The following SLC25A15 variants were observed in gnomAD, a reference collection of about 807,000 sequenced individuals.
The protein encoded by SLC25A15 is solute carrier family 25 member 15.
SLC25A15 carries 24 observed loss-of-function variants against 32.3 expected under a neutral mutation model. That is an observed-to-expected ratio of 0.74 (90% CI 0.54 to 1.04). The LOEUF is 1.04. SLC25A15 is among the 50% of genes least tolerant of loss of function. The pLI, the probability that SLC25A15 is intolerant of heterozygous loss-of-function variation, is 0.00. For missense variants in SLC25A15, 317 were observed against 374.5 expected (o/e 0.85, Z 1.27); for synonymous variants, 132 against 142.1 (o/e 0.93, Z 0.51).
chr13:40,795,507 A>G (rs1881639189), intron 2 of SLC25A15, among the ~76,000 whole-genome samples: 1 of 152,160 alleles, frequency 6.6e-6, no homozygotes, highest in African/African-American at 2.4e-5. Flanking sequence ...TTGATCCCTT[A>G]TGTATACTGA....
intron 2 of SLC25A15, among the ~76,000 whole-genome samples, chr13:40,793,672 A>G (rs2138040011): frequency 6.6e-6 from 1 of 152,358 alleles, no homozygotes; most frequent in Non-Finnish European, 1.5e-5. Context: ...ACTACTCTCT[A>G]AATGAGATCA....
intron 3 of SLC25A15, among the ~76,000 whole-genome samples, chr13:40,802,725 C>T (rs964669492): frequency 2.0e-5 from 3 of 152,084 alleles, no homozygotes; most frequent in Non-Finnish European, 2.9e-5. Flanking sequence ...CAGGCGCCCA[C>T]CACCATGCCC....
Position 40,812,161 on chromosome 13 carries a change from G to A in SLC25A15, c.*2494G>A, listed in dbSNP as rs886050250. Among the ~76,000 whole-genome samples, 2 of 152,174 alleles carry A rather than the reference G, an allele frequency of 1.3e-5. No homozygotes were observed. The highest frequency in any genetic ancestry group is 2.9e-5 in the Non-Finnish European group (2 of 68,040). ...TCCACAGGAAGTAAACTGCTTCAGA[G>A]CCCACAGTCCCCTGCTCAGTGTCCG... On this transcript the variant is annotated 3_prime_UTR_variant, in exon 7 of 7. Coordinates refer to ENST00000338625, the MANE Select transcript of SLC25A15 (RefSeq NM_014252.4).
chr13:40,803,736 C>T (rs1881998978), intron 3 of SLC25A15, among the ~76,000 whole-genome samples: 1 of 152,222 alleles, frequency 6.6e-6, no homozygotes, highest in Non-Finnish European at 1.5e-5. Context: ...GGTGGTAGGT[C>T]ACCAGTTGAA....
At chr13:40,790,316 G>A (rs1197581390) in intron 1 of SLC25A15, among the ~76,000 whole-genome samples, 1 of 152,186 alleles carries the variant, frequency 6.6e-6, no homozygotes, top group Non-Finnish European at 1.5e-5. Context: ...TGGGTGGTCG[G>A]CACTGTTGTT....
intron 2 of SLC25A15, 38 bp downstream of exon 2, chr13:40,793,319 G>C (rs1881575060): frequency 6.4e-7 from 1 of 1,551,322 alleles, no homozygotes; most frequent in Non-Finnish European, 8.9e-7. Flanking sequence ...TTCTGTCGTT[G>C]ATGGATGGTG....
chr13:40,804,843 C>G (rs1483213561), intron 3 of SLC25A15, among the ~76,000 whole-genome samples: 1 of 152,022 alleles, frequency 6.6e-6, no homozygotes, highest in African/African-American at 2.4e-5. Context: ...AGCCACGGCG[C>G]CCGGCCCTTT....
Position 40,799,051 on chromosome 13 carries a change from T to A in SLC25A15, c.56-6T>A. 1.2e-6 allele frequency: 2 copies of A among 1,614,210 alleles called. No homozygotes were observed. Among genetic ancestry groups the A allele is most frequent in the Non-Finnish European group, 1.7e-6 (2 of 1,180,032 alleles). ...GTACTAGAGCAGTCATCTGTCCTGATTGCAGGAGGTACAGCATGTGTACTG... is the reference window on the plus strand; with the variant it reads ...GTACTAGAGCAGTCATCTGTCCTGAATGCAGGAGGTACAGCATGTGTACTG... On this transcript the variant is annotated splice_polypyrimidine_tract_variant and splice_region_variant and intron_variant, in intron 2 of 6. Coordinates refer to ENST00000338625, the MANE Select transcript of SLC25A15 (RefSeq NM_014252.4).
At chr13:40,808,929 T>C (rs1451630946) in intron 6 of SLC25A15, among the ~76,000 whole-genome samples, 1 of 58,540 alleles carries the variant, frequency 1.7e-5, no homozygotes, top group Non-Finnish European at 4.6e-5. Context: ...CGAGACTCTG[T>C]CTCAAAAAAA....
chr13:40,793,720 A>C (rs1881584181), intron 2 of SLC25A15, among the ~76,000 whole-genome samples: 1 of 152,256 alleles, frequency 6.6e-6, no homozygotes, highest in African/African-American at 2.4e-5. Flanking sequence ...TTCTCCCTCC[A>C]GTACTTTACC....
chr13:40,807,915 ATAAG>A (rs1451469190), intron 5 of SLC25A15, among the ~76,000 whole-genome samples: 1 of 152,240 alleles, frequency 6.6e-6, no homozygotes, highest in Non-Finnish European at 1.5e-5. Context: ...TTTGGCTCAC[ATAAG>A]TGAGTTTTTC....
At chr13:40,796,887 G>A (rs1197759643) in intron 2 of SLC25A15, among the ~76,000 whole-genome samples, 2 of 152,210 alleles carry the variant, frequency 1.3e-5, no homozygotes, top group African/African-American at 2.4e-5. Context: ...GACATAATCT[G>A]AGTGCCTTTC....
At chr13:40,790,553 C>T (rs1338069637) in intron 1 of SLC25A15, among the ~76,000 whole-genome samples, 1 of 152,168 alleles carries the variant, frequency 6.6e-6, no homozygotes, top group African/African-American at 2.4e-5. Flanking sequence ...CGTTTTCTAT[C>T]CTAATAATTC....
intron 3 of SLC25A15, among the ~76,000 whole-genome samples, chr13:40,801,645 A>G (rs1212531598): frequency 2.6e-5 from 4 of 152,210 alleles, no homozygotes; most frequent in African/African-American, 9.6e-5. Context: ...GAAAGGAAAG[A>G]ACTGCTTGTG....
At position 40,812,027 on chromosome 13, in the gene SLC25A15, C is replaced by G. The variant is rs1882476759; in HGVS notation, c.*2360C>G. ...CATTTGCTTTTTCTTTAAGTGAAAA[C>G]CATTTTTCTACTTTGCTTTTCTCTC... On this transcript the variant is annotated 3_prime_UTR_variant, in exon 7 of 7. Coordinates refer to ENST00000338625, the MANE Select transcript of SLC25A15 (RefSeq NM_014252.4). Among the ~76,000 whole-genome samples, 1 of 152,166 alleles carries G rather than the reference C, an allele frequency of 6.6e-6. No homozygotes were observed. Among genetic ancestry groups the G allele is most frequent in the South Asian group, 2.1e-4 (1 of 4,822 alleles).
chr13:40,808,433 T>C lies in SLC25A15; in HGVS notation c.623-5T>C. The C allele has an allele frequency of 6.2e-7, 1 of 1,612,806 alleles. No homozygotes were observed. The highest frequency in any genetic ancestry group is 8.5e-7 in the Non-Finnish European group (1 of 1,179,782). ...AATACCATTTGCTATTTTTTTTTTC[T>C]CTAGGCCCTGTACCTTTGATGTTAA... On this transcript the variant is annotated splice_polypyrimidine_tract_variant and splice_region_variant and intron_variant, in intron 5 of 6. Coordinates refer to ENST00000338625, the MANE Select transcript of SLC25A15 (RefSeq NM_014252.4).
At chr13:40,791,558 A>G (rs1431776414) in intron 1 of SLC25A15, among the ~76,000 whole-genome samples, 1 of 151,816 alleles carries the variant, frequency 6.6e-6, no homozygotes, top group Non-Finnish European at 1.5e-5. Flanking sequence ...GGGTTACACC[A>G]TATTCGTCAA....
intron 1 of SLC25A15, 121 bp downstream of exon 1, chr13:40,789,784 G>C (rs532998117): frequency 7.9e-5 from 12 of 151,880 alleles, no homozygotes; most frequent in African/African-American, 2.9e-4. Context: ...AGCGGCGGGG[G>C]AAGCGGCCAG....
Position 40,810,157 on chromosome 13 carries a change from T to G in SLC25A15, c.*490T>G, listed in dbSNP as rs1393402824. ...TAATGTGTGTACTTTTCTAAGTGGTTGATTATTTTTTATTTTTTTGATACA... is the reference window on the plus strand; with the variant it reads ...TAATGTGTGTACTTTTCTAAGTGGTGGATTATTTTTTATTTTTTTGATACA... On this transcript the variant is annotated 3_prime_UTR_variant, in exon 7 of 7. Coordinates refer to ENST00000338625, the MANE Select transcript of SLC25A15 (RefSeq NM_014252.4). 5.5e-6 allele frequency: 1 copy of G among 181,588 alleles called. No individual in the cohort carries two copies. The highest frequency in any genetic ancestry group is 1.5e-4 in the East Asian group (1 of 6,762). 11.2% of individuals were successfully genotyped at this position (181,588 alleles called of 1,614,324 possible).
Sources: gnomAD v4.1 joint callset for allele counts (sites outside exome capture counted in the v4.1 genomes callset) on GRCh38, gnomAD v4.1.1 for gene constraint, MANE v1.5 for transcripts, NCBI Gene and HGNC (gene_info 2026-07-23, HGNC 2026-07-21) for gene names.